TRIP4: variants seen among roughly 807,000 people sequenced by gnomAD.
TRIP4 encodes the protein activating signal cointegrator 1.
TRIP4 carries 54 observed loss-of-function variants against 81.8 expected under a neutral mutation model. The observed-to-expected ratio is 0.66, with a 90% CI of 0.53 to 0.83. The LOEUF (loss-of-function observed/expected upper bound fraction) is 0.83. Ranked by LOEUF, TRIP4 falls within the 40% of genes least tolerant of loss-of-function variation. The pLI, the probability that TRIP4 is intolerant of heterozygous loss-of-function variation, is 0.00. For synonymous variants in TRIP4, 270 were observed against 242.8 expected, an observed-to-expected ratio of 1.11 and a Z score of -1.04; for missense variants, 662 against 683.6, an observed-to-expected ratio of 0.97 and a Z score of 0.35.
chr15:64,434,022 G>A (rs2140306559), intron 11 of TRIP4, among the ~76,000 whole-genome samples: 1 of 152,108 alleles, frequency 6.6e-6, no homozygotes, highest in East Asian at 1.9e-4. Flanking sequence ...AATACCCCTG[G>A]TATAGAGGAA....
At chr15:64,425,339 A>G (rs1053488693) in intron 10 of TRIP4, among the ~76,000 whole-genome samples, 1 of 152,202 alleles carries the variant, frequency 6.6e-6, no homozygotes, top group Non-Finnish European at 1.5e-5. Context: ...ACATGTGGAT[A>G]GTGGACTAAG....
intron 11 of TRIP4, among the ~76,000 whole-genome samples, chr15:64,426,542 A>G (rs966398952): frequency 1.4e-4 from 22 of 152,072 alleles, no homozygotes; most frequent in African/African-American, 5.3e-4. Context: ...TCTACTAAAA[A>G]TACAAAAATT....
chr15:64,414,977 C>G, intron 8 of TRIP4, among the ~76,000 whole-genome samples: 1 of 151,928 alleles, frequency 6.6e-6, no homozygotes, highest in Non-Finnish European at 1.5e-5. Flanking sequence ...TGCCTGTAGT[C>G]CCAGCTACTT....
chr15:64,436,630 C>T (rs1175643162), intron 11 of TRIP4, among the ~76,000 whole-genome samples: 3 of 151,112 alleles, frequency 2.0e-5, no homozygotes, highest in East Asian at 3.9e-4. Flanking sequence ...GAAGTCTTCC[C>T]TAACCCCAGC....
chr15:64,420,456 A>C (rs899537622), intron 9 of TRIP4, among the ~76,000 whole-genome samples: 1 of 151,530 alleles, frequency 6.6e-6, no homozygotes, highest in Admixed American at 6.6e-5. Flanking sequence ...TTAAATGGTG[A>C]GAGCATGATA....
At chr15:64,424,389 T>G in intron 10 of TRIP4, 1 of 482,504 alleles carries the variant, frequency 2.1e-6, no homozygotes, top group South Asian at 3.2e-5. Flanking sequence ...TAGTCTTAAT[T>G]TTTTTATCTG....
intron 1 of TRIP4, among the ~76,000 whole-genome samples, chr15:64,391,510 A>G (rs188513550): frequency 1.3e-5 from 2 of 152,298 alleles, no homozygotes; most frequent in Admixed American, 1.3e-4. Context: ...CCACAGAGTT[A>G]ACAAAATAAA....
intron 11 of TRIP4, among the ~76,000 whole-genome samples, chr15:64,435,717 A>G (rs1892376989): frequency 6.7e-6 from 1 of 149,026 alleles, no homozygotes; most frequent in South Asian, 2.1e-4. Flanking sequence ...AAACCCAACC[A>G]TAATAACTAT....
chr15:64,423,411 C>T (rs1280184021), intron 9 of TRIP4, among the ~76,000 whole-genome samples: 6 of 134,468 alleles, frequency 4.5e-5, no homozygotes, highest in African/African-American at 1.7e-4. Flanking sequence ...TGCAGTGAGC[C>T]GAGGTCGCGC....
intron 11 of TRIP4, among the ~76,000 whole-genome samples, chr15:64,434,773 C>T (rs1892352059): frequency 6.6e-6 from 1 of 152,094 alleles, no homozygotes; most frequent in South Asian, 2.1e-4. Flanking sequence ...TTCATTTTAC[C>T]TTTAAGTAAA....
chr15:64,391,195 C>G (rs899393546), intron 1 of TRIP4, among the ~76,000 whole-genome samples: 1 of 151,478 alleles, frequency 6.6e-6, no homozygotes, highest in African/African-American at 2.4e-5. Context: ...CTCACTCTGT[C>G]GCCCAGGCTG....
At chr15:64,427,021 T>C (rs1226738402) in intron 11 of TRIP4, among the ~76,000 whole-genome samples, 1 of 151,484 alleles carries the variant, frequency 6.6e-6, no homozygotes, top group Non-Finnish European at 1.5e-5. Context: ...AAAAAAAAGA[T>C]TGAACTGATG....
Position 64,445,106 on chromosome 15 carries a change from T to C in TRIP4, c.1676T>C (p.Ile559Thr). 6.4e-7 allele frequency: 1 copy of C among 1,573,350 alleles called. No individual in the cohort carries two copies. The highest frequency in any genetic ancestry group is 8.7e-7 in the Non-Finnish European group (1 of 1,151,202). The change falls in exon 12 of 13, where the codon ATC (isoleucine) becomes ACC (threonine). Residue 559 changes from isoleucine (I) to threonine (T), a missense_variant and splice_region_variant. Coordinates refer to ENST00000261884, the MANE Select transcript of TRIP4 (RefSeq NM_016213.5). The part of the protein sequence containing the change: ...VKFPIKGNPK[I>T]WKLDSKIHQG... ...TTTCCTATTAAAGGAAATCCAAAAA[T>C]CTGTAAGTCATGATTTTTTTTCTTT...
chr15:64,408,695 G>A (rs79973636), intron 6 of TRIP4, among the ~76,000 whole-genome samples: 3,990 of 152,166 alleles, frequency 0.026, 165 homozygotes, highest in African/African-American at 0.092. Flanking sequence ...CTGGATTTAT[G>A]ACATTGGAGT....
intron 5 of TRIP4, among the ~76,000 whole-genome samples, chr15:64,402,957 T>G (rs905982522): frequency 1.3e-5 from 2 of 151,952 alleles, no homozygotes; most frequent in Non-Finnish European, 2.9e-5. Context: ...TCTCCCAGGT[T>G]CATGCCATTC....
At chr15:64,398,108 A>C (rs995970848) in intron 4 of TRIP4, among the ~76,000 whole-genome samples, 4 of 152,056 alleles carry the variant, frequency 2.6e-5, no homozygotes, top group African/African-American at 9.7e-5. Context: ...TTACAGTGTT[A>C]GCCAGGATGG....
intron 11 of TRIP4, among the ~76,000 whole-genome samples, chr15:64,426,749 C>T (rs1280204076): frequency 6.7e-6 from 1 of 150,016 alleles, no homozygotes; most frequent in Non-Finnish European, 1.5e-5. Context: ...GCCTGTAATC[C>T]CAGTGCTTTG....
chr15:64,431,291 C>T (rs1024989586), intron 11 of TRIP4, among the ~76,000 whole-genome samples: 2 of 152,052 alleles, frequency 1.3e-5, no homozygotes, highest in East Asian at 1.9e-4. Context: ...ATCTGAGACT[C>T]AACAAGAAGA....
chr15:64,430,817 A>C (rs1892252966), intron 11 of TRIP4, among the ~76,000 whole-genome samples: 1 of 152,186 alleles, frequency 6.6e-6, no homozygotes, highest in Non-Finnish European at 1.5e-5. Flanking sequence ...ATCTTCAAGG[A>C]ATTATGCTGA....
Sources: allele counts gnomAD v4.1 joint callset (sites outside exome capture counted in the v4.1 genomes callset), GRCh38; gene constraint gnomAD v4.1.1; transcripts MANE v1.5; gene names NCBI Gene and HGNC (gene_info 2026-07-23, HGNC 2026-07-21).